SOS2: variants seen among roughly 807,000 people sequenced by gnomAD.
The protein encoded by SOS2 is SOS Ras/Rho guanine nucleotide exchange factor 2.
SOS2 carries 65 observed loss-of-function variants against 148.2 expected under a neutral mutation model. The observed-to-expected ratio is 0.44, with a 90% CI of 0.36 to 0.54. The LOEUF is 0.54. SOS2 is among the 20% of genes least tolerant of loss of function. SOS2 has a pLI of 0.00. For missense variants in SOS2, 1,341 were observed against 1,590.2 expected, an observed-to-expected ratio of 0.84 and a Z score of 2.67; for synonymous variants, 539 against 537.1, an observed-to-expected ratio of 1.00 and a Z score of -0.05.
chr14:50,195,909 T>C (rs936505765), intron 4 of SOS2, among the ~76,000 whole-genome samples: 1 of 152,034 alleles, frequency 6.6e-6, no homozygotes, highest in Non-Finnish European at 1.5e-5. Context: ...CACTTGTAGT[T>C]CCAGCTACCT....
chr14:50,122,955 C>A (rs892926225), intron 21 of SOS2, among the ~76,000 whole-genome samples: 1 of 152,158 alleles, frequency 6.6e-6, no homozygotes, highest in African/African-American at 2.4e-5. Flanking sequence ...AGCAATATAA[C>A]CGTGAACAAA....
intron 4 of SOS2, among the ~76,000 whole-genome samples, chr14:50,189,099 A>ACACACG (rs1367953609): frequency 2.7e-5 from 4 of 148,440 alleles, no homozygotes; most frequent in Non-Finnish European, 5.9e-5. Flanking sequence ...ACACACACAC[A>ACACACG]CACGCACACA....
chr14:50,213,943 TAGG>T (rs1886965489), intron 1 of SOS2, among the ~76,000 whole-genome samples: 1 of 150,172 alleles, frequency 6.7e-6, no homozygotes, highest in Non-Finnish European at 1.5e-5. Context: ...CCCTCCGTGG[TAGG>T]AAGTCAACAG....
chr14:50,217,910 G>A (rs1282318991), intron 1 of SOS2, among the ~76,000 whole-genome samples: 11 of 151,870 alleles, frequency 7.2e-5, no homozygotes, highest in East Asian at 3.9e-4. Flanking sequence ...AATCGAGATC[G>A]TGCCACTGCA....
rs372750077 is a variant in SOS2 at position 50,153,893 on chromosome 14, G to C, written c.2058-720C>G. Among the ~76,000 whole-genome samples, 9 of 152,138 alleles carry C rather than the reference G, an allele frequency of 5.9e-5. No homozygotes were observed. The East Asian group carries it at 1.7e-3, about 29-fold the overall frequency. On this transcript the variant is annotated intron_variant, in intron 12 of 22. Coordinates refer to ENST00000216373, the MANE Select transcript of SOS2 (RefSeq NM_006939.4). ...CTCCCAAAGTGCTGGGATTATAGGCGTGAGCCACTGCACCCAGCCTATCAT... is the reference window on the plus strand; with the variant it reads ...CTCCCAAAGTGCTGGGATTATAGGCCTGAGCCACTGCACCCAGCCTATCAT...
chr14:50,221,629 C>T (rs375235121), intron 1 of SOS2, among the ~76,000 whole-genome samples: 2 of 152,126 alleles, frequency 1.3e-5, no homozygotes, highest in East Asian at 1.9e-4. Context: ...AAAAATACAT[C>T]CTCCTGAGGG....
chr14:50,172,682 C>A (rs1418936930), intron 8 of SOS2, among the ~76,000 whole-genome samples: 1 of 151,850 alleles, frequency 6.6e-6, no homozygotes, highest in Non-Finnish European at 1.5e-5. Context: ...TTTATTCATT[C>A]TTTGAAGCCC....
At chr14:50,197,586 GGA>G (rs1202153371) in intron 4 of SOS2, among the ~76,000 whole-genome samples, 1 of 152,040 alleles carries the variant, frequency 6.6e-6, no homozygotes, top group Admixed American at 6.6e-5. Context: ...AGTTAAGGGA[GGA>G]GAGTTGATTC....
intron 1 of SOS2, among the ~76,000 whole-genome samples, chr14:50,207,014 AT>A (rs1886683187): frequency 6.6e-6 from 1 of 152,098 alleles, no homozygotes. Flanking sequence ...ATTTTCTATG[AT>A]TTCAATCTTT....
chr14:50,128,429 C>CAAA (rs34823252), intron 21 of SOS2, among the ~76,000 whole-genome samples: 2 of 150,604 alleles, frequency 1.3e-5, no homozygotes, highest in East Asian at 2.0e-4. Context: ...TACAAACAAA[C>CAAA]CTAAACAAAC....
intron 19 of SOS2, 55 bp downstream of exon 19, chr14:50,134,068 G>A (rs1327887544): frequency 1.1e-6 from 1 of 888,382 alleles, no homozygotes; most frequent in East Asian, 2.4e-5. Flanking sequence ...GTTAAACATT[G>A]AAAATAATAT....
chr14:50,201,109 G>T, intron 2 of SOS2, 25 bp from the exon 3 acceptor site: 1 of 1,607,370 alleles, frequency 6.2e-7, no homozygotes, highest in Non-Finnish European at 8.5e-7. Flanking sequence ...CAGAACCATT[G>T]TAGTATTAAT....
At chr14:50,154,239 T>C (rs1410540896) in intron 12 of SOS2, among the ~76,000 whole-genome samples, 2 of 152,148 alleles carry the variant, frequency 1.3e-5, no homozygotes, top group Non-Finnish European at 2.9e-5. Flanking sequence ...AACTCAGTAA[T>C]AAAGAGACAA....
At chr14:50,230,210 A>G (rs1044804349) in intron 1 of SOS2, among the ~76,000 whole-genome samples, 9 of 152,174 alleles carry the variant, frequency 5.9e-5, no homozygotes, top group Admixed American at 3.9e-4. Context: ...CTGAGGATAT[A>G]TTTTCCAAGT....
chr14:50,137,648 ATTTT>A (rs953028901), intron 18 of SOS2, among the ~76,000 whole-genome samples: 1 of 151,734 alleles, frequency 6.6e-6, no homozygotes, highest in African/African-American at 2.4e-5. Flanking sequence ...AAGATCTAAA[ATTTT>A]TTTTTAATTT....
At chr14:50,212,819 GA>G (rs1463459332) in intron 1 of SOS2, among the ~76,000 whole-genome samples, 6 of 152,160 alleles carry the variant, frequency 3.9e-5, no homozygotes, top group African/African-American at 1.4e-4. Context: ...GGAGGACAGG[GA>G]AGTGAGGAGG....
chr14:50,204,935 G>A (rs1886613930), intron 1 of SOS2, among the ~76,000 whole-genome samples: 1 of 144,896 alleles, frequency 6.9e-6, no homozygotes, highest in Non-Finnish European at 1.5e-5. Context: ...CATCCTTCTA[G>A]GGATGAGCCG....
At chr14:50,202,629 G>A (rs1368460647) in intron 2 of SOS2, among the ~76,000 whole-genome samples, 1 of 152,148 alleles carries the variant, frequency 6.6e-6, no homozygotes, top group Non-Finnish European at 1.5e-5. Context: ...CAGCTACTTG[G>A]AAGGCTGAGG....
intron 2 of SOS2, among the ~76,000 whole-genome samples, chr14:50,203,801 G>GC (rs1365287918): frequency 1.5e-5 from 2 of 135,780 alleles, no homozygotes; most frequent in Admixed American, 1.5e-4. Flanking sequence ...TTTTTTTTTT[G>GC]TTTTTTTTTT....
Sources: allele counts gnomAD v4.1 joint callset (sites outside exome capture counted in the v4.1 genomes callset), GRCh38; gene constraint gnomAD v4.1.1; transcripts MANE v1.5; gene names NCBI Gene and HGNC (gene_info 2026-07-23, HGNC 2026-07-21).